Variants in AHI1 observed in about 807,000 individuals in gnomAD.
The protein encoded by AHI1 is Abelson helper integration site 1.
AHI1 carries 123 observed loss-of-function variants against 149.3 expected under a neutral mutation model. The observed-to-expected ratio is 0.82, with a 90% CI of 0.71 to 0.96. The LOEUF (loss-of-function observed/expected upper bound fraction) is 0.96, where lower values mean the gene tolerates loss of function less well. AHI1 is among the 40% of genes least tolerant of loss of function. The pLI is 0.00. For synonymous variants in AHI1, 475 were observed against 459.8 expected (o/e 1.03, Z -0.42); for missense variants, 1,439 against 1,422.7 (o/e 1.01, Z -0.18).
intron 27 of AHI1, among the ~76,000 whole-genome samples, chr6:135,294,674 C>A: frequency 9.7e-6 from 1 of 102,768 alleles, no homozygotes. Context: ...ACAAATGATG[C>A]TAGAACAACA....
rs772520434 is a variant in AHI1 at position 135,363,041 on chromosome 6, TTTA to T, written c.3110-4857_3110-4855del. Among the ~76,000 whole-genome samples the T allele has an allele frequency of 2.7e-3, 395 of 148,592 alleles. 2 individuals carry two copies. Among genetic ancestry groups the T allele is most frequent in the African/African-American group, 8.0e-3 (321 of 40,298 alleles). On this transcript the variant is annotated intron_variant, in intron 23 of 28. Transcript: ENST00000265602. Reference sequence around the variant, plus strand: ...ATCTTTTTTTTAAATTTTATTTTATTTTATTATTATTATTATTATTATTTTTAT... The same window carrying T: ...ATCTTTTTTTTAAATTTTATTTTATTTTATTATTATTATTATTATTTTTAT...
At chr6:135,300,708 T>C in intron 26 of AHI1, 150 bp from the exon 27 acceptor site, 1 of 1,383,728 alleles carries the variant, frequency 7.2e-7, no homozygotes, top group Non-Finnish European at 9.4e-7. Flanking sequence ...CCTGAACATA[T>C]ATTGTCTATC....
chr6:135,440,012 TA>T (rs1222573120), intron 14 of AHI1, among the ~76,000 whole-genome samples: 1 of 152,202 alleles, frequency 6.6e-6, no homozygotes, highest in Non-Finnish European at 1.5e-5. Context: ...GAAGAGTATT[TA>T]AGAAAAATGG....
At chr6:135,495,575 C>T (rs1179885681) in intron 3 of AHI1, 2 of 152,196 alleles carry the variant, frequency 1.3e-5, no homozygotes, top group South Asian at 2.1e-4. Flanking sequence ...TCTGTGCTTC[C>T]AGGGTGCCTT....
At chr6:135,415,208 T>C (rs1436037271) in intron 20 of AHI1, among the ~76,000 whole-genome samples, 3 of 152,094 alleles carry the variant, frequency 2.0e-5, no homozygotes, top group Non-Finnish European at 2.9e-5. Context: ...TAATCCAGTC[T>C]ATCATTGTTG....
At chr6:135,392,011 CA>C (rs1022616557) in intron 23 of AHI1, among the ~76,000 whole-genome samples, 1 of 151,928 alleles carries the variant, frequency 6.6e-6, no homozygotes, top group East Asian at 1.9e-4. Context: ...GTTTTTGGGG[CA>C]AAAAACCCAA....
intron 23 of AHI1, among the ~76,000 whole-genome samples, chr6:135,378,502 C>A (rs1177354433): frequency 6.6e-6 from 1 of 152,156 alleles, no homozygotes; most frequent in Non-Finnish European, 1.5e-5. Flanking sequence ...GTGACATGCT[C>A]TATATATTCT....
intron 16 of AHI1, 96 bp from the exon 17 acceptor site, chr6:135,431,410 T>A (rs1388943583): frequency 2.9e-5 from 19 of 661,172 alleles, no homozygotes; most frequent in South Asian, 7.8e-5. Flanking sequence ...AGTAAAACAG[T>A]CAAAGAATTG....
intron 22 of AHI1, among the ~76,000 whole-genome samples, chr6:135,396,032 G>A (rs1168004375): frequency 6.6e-6 from 1 of 151,394 alleles, no homozygotes; most frequent in Non-Finnish European, 1.5e-5. Flanking sequence ...CTTTTAAACA[G>A]TGATAATAAA....
chr6:135,448,670 T>C (rs914544561), intron 11 of AHI1, among the ~76,000 whole-genome samples, 195 bp from the exon 12 acceptor site: 3 of 152,228 alleles, frequency 2.0e-5, no homozygotes, highest in African/African-American at 7.2e-5. Context: ...GTAGCCCAAA[T>C]GGCTTTTAAA....
intron 26 of AHI1, chr6:135,305,156 C>T (rs1166859305): frequency 6.6e-6 from 1 of 152,136 alleles, no homozygotes; most frequent in Non-Finnish European, 1.5e-5. Flanking sequence ...CAGAAATATC[C>T]TTCCCAAGTT....
At chr6:135,289,302 C>A (rs1782052350) in intron 28 of AHI1, among the ~76,000 whole-genome samples, 1 of 151,826 alleles carries the variant, frequency 6.6e-6, no homozygotes, top group South Asian at 2.1e-4. Flanking sequence ...TCAAGACCAG[C>A]CTGGGAAACA....
At chr6:135,469,145 A>G (rs540979014) in intron 5 of AHI1, among the ~76,000 whole-genome samples, 2 of 152,224 alleles carry the variant, frequency 1.3e-5, no homozygotes, top group Non-Finnish European at 2.9e-5. Flanking sequence ...GCAGCACATC[A>G]AAAAGCTTAT....
intron 24 of AHI1, among the ~76,000 whole-genome samples, chr6:135,341,933 GA>G (rs1471450697): frequency 6.6e-6 from 1 of 151,606 alleles, no homozygotes; most frequent in Non-Finnish European, 1.5e-5. Context: ...GAAGCAGAGG[GA>G]AAAAAATTTA....
intron 27 of AHI1, among the ~76,000 whole-genome samples, chr6:135,294,509 A>AAAAC (rs780767625): frequency 1.6e-4 from 25 of 151,900 alleles, no homozygotes; most frequent in African/African-American, 3.9e-4. Context: ...ATTCTGCCTC[A>AAAAC]AAACAAACAA....
intron 25 of AHI1, among the ~76,000 whole-genome samples, chr6:135,320,362 T>C (rs1443989858): frequency 2.0e-5 from 3 of 152,252 alleles, no homozygotes; most frequent in African/African-American, 4.8e-5. Flanking sequence ...AAAGAATTTA[T>C]TTCTGTACGT....
At chr6:135,373,032 G>A (rs1294026120) in intron 23 of AHI1, among the ~76,000 whole-genome samples, 1 of 152,200 alleles carries the variant, frequency 6.6e-6, no homozygotes, top group Admixed American at 6.5e-5. Flanking sequence ...CTACAATGCA[G>A]TGTTAGGTGT....
At chr6:135,420,914 C>T (rs1169697429) in intron 20 of AHI1, among the ~76,000 whole-genome samples, 1 of 152,184 alleles carries the variant, frequency 6.6e-6, no homozygotes, top group Non-Finnish European at 1.5e-5. Context: ...TCACTGACCT[C>T]AATCACTTCT....
At chr6:135,451,453 A>T (rs1210344626) in intron 11 of AHI1, among the ~76,000 whole-genome samples, 2 of 152,210 alleles carry the variant, frequency 1.3e-5, no homozygotes, top group African/African-American at 4.8e-5. Flanking sequence ...GACATATTAA[A>T]TGCAAAAAGA....
Sources: gnomAD v4.1 joint callset for allele counts (sites outside exome capture counted in the v4.1 genomes callset) on GRCh38, gnomAD v4.1.1 for gene constraint, MANE v1.5 for transcripts, NCBI Gene and HGNC (gene_info 2026-07-23, HGNC 2026-07-21) for gene names.